The following IL1RAPL2 variants were observed in gnomAD, a reference collection of about 807,000 sequenced individuals.
The protein encoded by IL1RAPL2 is interleukin 1 receptor accessory protein like 2, also known as X-linked interleukin-1 receptor accessory protein-like 2.
Under a neutral mutation model 44.1 loss-of-function variants are expected in IL1RAPL2, and 3 were observed. The ratio of observed to expected loss-of-function variants is 0.07; its 90% confidence interval spans 0.03 to 0.18. The LOEUF is 0.18. IL1RAPL2 is among the 10% of genes least tolerant of loss of function. The probability of loss-of-function intolerance (pLI) is 1.00; values close to 1 mark genes in which losing one functional copy is unlikely to be tolerated. For synonymous variants in IL1RAPL2, 181 were observed against 178.8 expected (o/e 1.01, Z -0.10); for missense variants, 391 against 496.4 (o/e 0.79, Z 2.02).
At chrX:105,689,475 C>T (rs1434395947) in intron 6 of IL1RAPL2, among the ~76,000 whole-genome samples, 1 of 112,334 alleles carries the variant, frequency 8.9e-6, no homozygotes, top group Non-Finnish European at 1.9e-5. Context: ...AACTGCTCAT[C>T]ATCACTGGTC....
At chrX:104,784,500 TAATG>T (rs1209387915) in intron 2 of IL1RAPL2, among the ~76,000 whole-genome samples, 1 of 111,674 alleles carries the variant, frequency 9.0e-6, no homozygotes, top group African/African-American at 3.3e-5. Context: ...ATGGGAATAA[TAATG>T]CTTACCTTGC....
At chrX:104,819,903 G>A (rs1490402317) in intron 2 of IL1RAPL2, among the ~76,000 whole-genome samples, 2 of 111,308 alleles carry the variant, frequency 1.8e-5, no homozygotes, top group Non-Finnish European at 3.8e-5. Flanking sequence ...ATCTTGAAAT[G>A]CTTTTTGCCT....
intron 5 of IL1RAPL2, among the ~76,000 whole-genome samples, chrX:105,279,165 A>G (rs190903391): frequency 9.0e-6 from 1 of 111,473 alleles, no homozygotes; most frequent in East Asian, 2.8e-4. Context: ...TACTATTTAG[A>G]TACAACATAA....
chrX:105,009,230 C>A (rs1051060494), intron 2 of IL1RAPL2, among the ~76,000 whole-genome samples: 3 of 111,009 alleles, frequency 2.7e-5, no homozygotes, highest in Non-Finnish European at 5.7e-5. Flanking sequence ...ACCATTTGAC[C>A]CAGCAATCCC....
At chrX:105,517,241 T>C (rs1324334853) in intron 6 of IL1RAPL2, among the ~76,000 whole-genome samples, 1 of 111,865 alleles carries the variant, frequency 8.9e-6, no homozygotes, top group Non-Finnish European at 1.9e-5. Context: ...CTAGTGTTAG[T>C]AGAAAAGACA....
intron 4 of IL1RAPL2, among the ~76,000 whole-genome samples, chrX:105,254,620 G>A (rs1161363261): frequency 8.9e-6 from 1 of 111,843 alleles, no homozygotes; most frequent in Non-Finnish European, 1.9e-5. Context: ...TGTCATGAAA[G>A]TTTTGCCTGT....
Position 105,195,155 on chromosome X carries a change from C to T in IL1RAPL2, c.83-320C>T, listed in dbSNP as rs1347241011. On this transcript the variant is annotated intron_variant, in intron 2 of 10. Transcript: ENST00000372582. ...GAAGCAAACAATTTGCCTGGCTACTCTGCTGGAATTAGGACCTGGCCATGG... is the reference window on the plus strand; with the variant it reads ...GAAGCAAACAATTTGCCTGGCTACTTTGCTGGAATTAGGACCTGGCCATGG... Among the ~76,000 whole-genome samples the T allele has an allele frequency of 1.5e-4, 16 of 108,965 alleles. No homozygotes were observed. The Admixed American group carries it at 1.6e-3, about 11-fold the overall frequency. The allele number at this position is 108,965 out of a possible 115,157, so 94.6% of individuals were successfully genotyped here. A position where few individuals can be genotyped will look rare whatever the true frequency, so the allele number is the denominator to read the frequency against.
intron 10 of IL1RAPL2, among the ~76,000 whole-genome samples, chrX:105,764,588 G>C: frequency 9.0e-6 from 1 of 111,455 alleles, no homozygotes; most frequent in African/African-American, 3.3e-5. Flanking sequence ...ATTGTTTAAG[G>C]CCAGGAGTTT....
intron 1 of IL1RAPL2, among the ~76,000 whole-genome samples, chrX:104,615,941 C>T (rs935584155): frequency 8.9e-6 from 1 of 112,078 alleles, no homozygotes; most frequent in African/African-American, 3.2e-5. Flanking sequence ...GGGATGGTAT[C>T]TCATTGTGGT....
intron 6 of IL1RAPL2, among the ~76,000 whole-genome samples, chrX:105,609,262 T>C (rs1227053335): frequency 9.0e-6 from 1 of 111,703 alleles, no homozygotes; most frequent in Non-Finnish European, 1.9e-5. Context: ...GGTAATATTA[T>C]TCATTAAAAG....
intron 2 of IL1RAPL2, among the ~76,000 whole-genome samples, chrX:104,849,343 C>A (rs1922157848): frequency 1.7e-5 from 1 of 57,368 alleles, no homozygotes; most frequent in African/African-American, 6.1e-5. Flanking sequence ...AGCCACCATG[C>A]TTGAACTATA....
intron 2 of IL1RAPL2, among the ~76,000 whole-genome samples, chrX:104,674,250 C>A (rs1930688752): frequency 9.0e-6 from 1 of 111,403 alleles, no homozygotes; most frequent in African/African-American, 3.3e-5. Flanking sequence ...ATAGATAGCT[C>A]TTATTATTTT....
chrX:105,726,948 G>C (rs1046024735), intron 7 of IL1RAPL2, among the ~76,000 whole-genome samples: 1 of 111,105 alleles, frequency 9.0e-6, no homozygotes, highest in Non-Finnish European at 1.9e-5. Flanking sequence ...CAGACTCTGG[G>C]CATGATGCTG....
At chrX:104,578,988 CAATA>C (rs1928293334) in intron 1 of IL1RAPL2, among the ~76,000 whole-genome samples, 1 of 111,225 alleles carries the variant, frequency 9.0e-6, no homozygotes, top group South Asian at 3.8e-4. Flanking sequence ...ATTAGGAACT[CAATA>C]GATAATATGT....
At chrX:105,182,517 CTTTATATGTG>C (rs2033542745) in intron 2 of IL1RAPL2, among the ~76,000 whole-genome samples, 2 of 111,381 alleles carry the variant, frequency 1.8e-5, no homozygotes, top group African/African-American at 6.6e-5. Flanking sequence ...TTGTCTATGT[CTTTATATGTG>C]AAGCGAGTTT....
At chrX:105,228,978 G>GT (rs1255218601) in intron 3 of IL1RAPL2, among the ~76,000 whole-genome samples, 2 of 112,250 alleles carry the variant, frequency 1.8e-5, no homozygotes, top group African/African-American at 6.5e-5. Context: ...ATGTGTAATT[G>GT]TAAGTTGTTG....
At position 104,872,922 on chromosome X, in the gene IL1RAPL2, C is replaced by T. The variant is rs985653407; in HGVS notation, c.82+213927C>T. ...CCTTAACACCAAGAAATATACTTCA[C>T]AGAACCTAGAGATGAGAGAATTCAC... is the stretch of plus-strand genomic sequence containing the variant. On this transcript the variant is annotated intron_variant, in intron 2 of 10. Transcript: ENST00000372582. Among the ~76,000 whole-genome samples the T allele has an allele frequency of 3.6e-5, 4 of 111,158 alleles. No individual in the cohort carries two copies. The Admixed American group carries it at 3.8e-4, about 11-fold the overall frequency.
At chrX:104,639,418 A>T (rs750439125) in intron 1 of IL1RAPL2, among the ~76,000 whole-genome samples, 14 of 111,794 alleles carry the variant, frequency 1.3e-4, no homozygotes, top group Non-Finnish European at 2.3e-4. Flanking sequence ...TCATTCTTTT[A>T]TATTCAAGAT....
chrX:105,448,451 G>A (rs182656132), intron 5 of IL1RAPL2, among the ~76,000 whole-genome samples: 9 of 107,075 alleles, frequency 8.4e-5, no homozygotes, highest in African/African-American at 2.8e-4. Flanking sequence ...TGCAATCTCC[G>A]CCTCCCGGGT....
Sources: gnomAD v4.1 joint callset for allele counts (sites outside exome capture counted in the v4.1 genomes callset) on GRCh38, gnomAD v4.1.1 for gene constraint, MANE v1.5 for transcripts, NCBI Gene and HGNC (gene_info 2026-07-23, HGNC 2026-07-21) for gene names.